MAP3K15: variants seen among roughly 807,000 people sequenced by gnomAD.
MAP3K15 encodes mitogen-activated protein kinase kinase kinase 15, also known as MAPK/ERK kinase kinase 15.
Under a neutral mutation model 99.5 loss-of-function variants are expected in MAP3K15, and 124 were observed. The observed-to-expected ratio is 1.25, with a 90% CI of 1.08 to 1.45. The LOEUF is 1.45. Among genes scored for constraint, MAP3K15 ranks in the 40% most tolerant of loss-of-function variants. MAP3K15 has a pLI of 0.00. For missense variants in MAP3K15, 1,242 were observed against 1,079.7 expected, an observed-to-expected ratio of 1.15 and a Z score of -2.11; for synonymous variants, 494 against 439.6, an observed-to-expected ratio of 1.12 and a Z score of -1.55.
At chrX:19,460,524 C>A (rs2064124599) in intron 4 of MAP3K15, among the ~76,000 whole-genome samples, 1 of 111,246 alleles carries the variant, frequency 9.0e-6, no homozygotes, top group South Asian at 3.7e-4. Context: ...CAAAGCCAAA[C>A]GGAGCTCCAA....
At position 19,456,296 on chromosome X, in the gene MAP3K15, G is replaced by A. The variant is rs140427861; in HGVS notation, c.995+617C>T. Among the ~76,000 whole-genome samples the A allele has an allele frequency of 5.2e-3, 582 of 111,937 alleles. 4 individuals are homozygous for A. Among genetic ancestry groups the A allele is most frequent in the African/African-American group, 0.017 (528 of 30,848 alleles). Reference sequence around the variant, plus strand: ...ATACCTATACCAAGGACTACGCGACGGCAATGAGAACGAACAAACCACTAA... The same window carrying A: ...ATACCTATACCAAGGACTACGCGACAGCAATGAGAACGAACAAACCACTAA... On this transcript the variant is annotated intron_variant, in intron 6 of 28. Coordinates refer to ENST00000338883, the MANE Select transcript of MAP3K15 (RefSeq NM_001001671.4).
intron 18 of MAP3K15, among the ~76,000 whole-genome samples, chrX:19,391,516 GA>G (rs1294139108): frequency 9.4e-5 from 10 of 106,827 alleles, no homozygotes; most frequent in Non-Finnish European, 1.9e-4. Context: ...CGTCTCTACT[GA>G]AAATAGAAAA....
chrX:19,459,132 G>A (rs2064113842), intron 5 of MAP3K15, among the ~76,000 whole-genome samples: 1 of 111,709 alleles, frequency 9.0e-6, no homozygotes, highest in Non-Finnish European at 1.9e-5. Flanking sequence ...AAAGGAGGAA[G>A]TGACAAAAGC....
intron 13 of MAP3K15, 69 bp from the exon 14 acceptor site, chrX:19,400,732 C>A: frequency 1.4e-6 from 1 of 706,957 alleles, no homozygotes; most frequent in South Asian, 2.5e-5. Flanking sequence ...TTTAACTTAG[C>A]TTTATTAAAC....
chrX:19,384,745 A>AG lies in MAP3K15; in HGVS notation c.2432-4469dup, dbSNP rs1491153588. Among the ~76,000 whole-genome samples, 138 of 53,065 alleles carry AG rather than the reference A, an allele frequency of 2.6e-3. 1 individual carries two copies. The highest frequency in any genetic ancestry group is 0.017 in the Middle Eastern group (2 of 116). 46.1% of individuals were successfully genotyped at this position (53,065 alleles called of 115,157 possible). ...GCAGATGGGAGTGAGACCTTGTCTC[A>AG]GGGGAAAAAAAAAAAAAAAAAAAAA... On this transcript the variant is annotated intron_variant, in intron 18 of 28. Transcript: ENST00000338883.
At chrX:19,455,513 ATTTTTTTTTTTT>A (rs755405077) in intron 6 of MAP3K15, among the ~76,000 whole-genome samples, 110 of 65,719 alleles carry the variant, frequency 1.7e-3, no homozygotes, top group African/African-American at 9.2e-3. Flanking sequence ...TGCCTGGCTA[ATTTTTTTTTTTT>A]TTTTTTTTTT....
chrX:19,390,577 A>T (rs895208405), intron 18 of MAP3K15, among the ~76,000 whole-genome samples: 48 of 105,503 alleles, frequency 4.5e-4, no homozygotes, highest in African/African-American at 9.9e-4. Flanking sequence ...TAATAATAAT[A>T]ATTATTTATT....
At chrX:19,457,320 C>T (rs1162830554) in intron 5 of MAP3K15, among the ~76,000 whole-genome samples, 2 of 112,265 alleles carry the variant, frequency 1.8e-5, no homozygotes, top group African/African-American at 6.5e-5. Flanking sequence ...GAGTTAACAA[C>T]ATCAGCAGAG....
In MAP3K15 at chrX:19,360,807, C is replaced by T. The variant is rs759041463; in HGVS notation, c.3884G>A (p.Ser1295Asn). The stretch of plus-strand genomic sequence containing the variant: ...AGCCCTTCTGTACTGGGAGACCGCA[C>T]TCCAGAGTCTGCAGAGGAGACCACC... ...LRGGLLCRLW[S>N]AVSQYRRAQE... The change falls in exon 29 of 29, where the codon AGT becomes AAT. Residue 1295 changes from serine to asparagine, a missense_variant. Physicochemically the swap from Ser to Asn is conservative, Grantham distance 46 (BLOSUM62 1). Transcript: ENST00000338883. The T allele has an allele frequency of 1.7e-6, 2 of 1,207,287 alleles. No homozygotes were observed. Among genetic ancestry groups the T allele is most frequent in the African/African-American group, 1.8e-5 (1 of 57,110 alleles).
chrX:19,408,982 A>T (rs1039680581), intron 12 of MAP3K15, among the ~76,000 whole-genome samples: 1 of 112,139 alleles, frequency 8.9e-6, no homozygotes, highest in African/African-American at 3.2e-5. Flanking sequence ...GAGGACAGAG[A>T]CCATATTTTA....
intron 18 of MAP3K15, among the ~76,000 whole-genome samples, chrX:19,390,163 T>C (rs1313607373): frequency 9.0e-6 from 1 of 111,132 alleles, no homozygotes; most frequent in African/African-American, 3.3e-5. Flanking sequence ...ACAAAAAGTC[T>C]TTCAAAGCTG....
At chrX:19,423,232 G>A (rs1186151670) in intron 9 of MAP3K15, among the ~76,000 whole-genome samples, 1 of 110,980 alleles carries the variant, frequency 9.0e-6, no homozygotes, top group Non-Finnish European at 1.9e-5. Context: ...TCACAACCGG[G>A]ATGTTGTCAC....
chrX:19,371,493 T>C lies in MAP3K15; in HGVS notation c.3146A>G (p.Lys1049Arg). ...EELHLSVGHI[K>R]QIIGILRDFI... ...GTCCCTCAGGATCCCAATGATTTGC[T>C]TGATGTGTCCAACTGAGAGATGCAA... Residue 1049 changes from lysine to arginine, a missense_variant, in exon 23 of 29, where the codon AAG (lysine) becomes AGG (arginine). By Grantham distance (26) the Lys-to-Arg change is conservative (BLOSUM62 2). Coordinates refer to ENST00000338883, the MANE Select transcript of MAP3K15 (RefSeq NM_001001671.4). The C allele has an allele frequency of 2.5e-6, 3 of 1,209,368 alleles. No individual in the cohort carries two copies. Among genetic ancestry groups the C allele is most frequent in the African/African-American group, 3.5e-5 (2 of 57,796 alleles).
In MAP3K15 at chrX:19,369,604, C is replaced by T. The variant is rs190173455; in HGVS notation, c.3401-385G>A. 2.9e-3 allele frequency among the ~76,000 whole-genome samples: 324 copies of T among 110,886 alleles called. 2 individuals carry two copies. The highest frequency in any genetic ancestry group is 4.7e-3 in the Non-Finnish European group (248 of 52,879). On this transcript the variant is annotated intron_variant, in intron 24 of 28. Transcript: ENST00000338883. ...CGGCCAACATGGTGAAACCCCATCT[C>T]TACTAAAAAATATATACAAAAATTA...
intron 9 of MAP3K15, among the ~76,000 whole-genome samples, chrX:19,420,615 C>T (rs1487385802): frequency 9.2e-6 from 1 of 109,010 alleles, no homozygotes; most frequent in Non-Finnish European, 1.9e-5. Flanking sequence ...CAATGAGGAG[C>T]TGGTACCATT....
At chrX:19,505,268 G>A (rs185810191) in intron 1 of MAP3K15, among the ~76,000 whole-genome samples, 13 of 109,684 alleles carry the variant, frequency 1.2e-4, no homozygotes, top group Middle Eastern at 4.7e-3. Flanking sequence ...GTAATGATTC[G>A]TGACATGAGA....
chrX:19,397,132 G>A (rs2063573073), intron 15 of MAP3K15, among the ~76,000 whole-genome samples: 1 of 110,683 alleles, frequency 9.0e-6, no homozygotes, highest in South Asian at 3.9e-4. Context: ...TTGAACTCTT[G>A]ACCTCAAGTG....
chrX:19,491,226 C>T (rs985394443), intron 1 of MAP3K15, among the ~76,000 whole-genome samples: 2 of 110,982 alleles, frequency 1.8e-5, no homozygotes, highest in African/African-American at 6.6e-5. Context: ...CTGATGGGTG[C>T]CAGGGATAGA....
chrX:19,417,402 G>A (rs1050624050), intron 9 of MAP3K15, among the ~76,000 whole-genome samples: 46 of 112,070 alleles, frequency 4.1e-4, no homozygotes, highest in Non-Finnish European at 6.4e-4. Context: ...ATTATATCCC[G>A]CGCCTGGCTC....
Sources: gnomAD v4.1 joint callset for allele counts (sites outside exome capture counted in the v4.1 genomes callset) on GRCh38, gnomAD v4.1.1 for gene constraint, MANE v1.5 for transcripts, NCBI Gene and HGNC (gene_info 2026-07-23, HGNC 2026-07-21) for gene names.